The following TMEM74 variants were observed in gnomAD, a reference collection of about 807,000 sequenced individuals.
TMEM74 encodes transmembrane protein 74.
Under a neutral mutation model 18.1 loss-of-function variants are expected in TMEM74, and 13 were observed. The observed-to-expected ratio is 0.72, with a 90% CI of 0.47 to 1.14. The LOEUF (loss-of-function observed/expected upper bound fraction) is 1.14, where lower values mean the gene tolerates loss of function less well. Among genes scored for constraint, TMEM74 ranks in the 50% most tolerant of loss-of-function variants. TMEM74 has a pLI of 0.00. For synonymous variants in TMEM74, 159 were observed against 146.6 expected (o/e 1.08, Z -0.61); for missense variants, 372 against 375.9 (o/e 0.99, Z 0.09).
intron 2 of TMEM74, among the ~76,000 whole-genome samples, chr8:108,649,732 G>A (rs1002349604): frequency 2.0e-5 from 3 of 152,106 alleles, no homozygotes; most frequent in Admixed American, 6.6e-5. Context: ...AAAACCCTAA[G>A]TTTGTGGTAG....
intron 1 of TMEM74, among the ~76,000 whole-genome samples, chr8:108,684,910 C>G (rs558771897): frequency 2.0e-5 from 3 of 151,750 alleles, no homozygotes; most frequent in Non-Finnish European, 2.9e-5. Context: ...ATTGCTTTGT[C>G]TATTCAGGGT....
chr8:108,632,787 C>G (rs1477606113), intron 2 of TMEM74, among the ~76,000 whole-genome samples: 1 of 151,920 alleles, frequency 6.6e-6, no homozygotes, highest in East Asian at 1.9e-4. Context: ...AGTCAGTAAC[C>G]TAATGTGGGA....
intron 2 of TMEM74, among the ~76,000 whole-genome samples, chr8:108,620,634 G>T (rs1812430380): frequency 6.6e-6 from 1 of 152,144 alleles, no homozygotes; most frequent in Non-Finnish European, 1.5e-5. Flanking sequence ...CCAGGTTTGT[G>T]TATATTCTTT....
At chr8:108,748,195 T>C (rs1417299127) in intron 1 of TMEM74, among the ~76,000 whole-genome samples, 1 of 152,210 alleles carries the variant, frequency 6.6e-6, no homozygotes, top group Middle Eastern at 3.2e-3. Flanking sequence ...GTAAAAGTGT[T>C]GCTTTTTCTC....
At chr8:108,651,507 A>G (rs1021678020) in intron 2 of TMEM74, among the ~76,000 whole-genome samples, 3 of 152,182 alleles carry the variant, frequency 2.0e-5, no homozygotes, top group African/African-American at 4.8e-5. Context: ...CACAAGATGG[A>G]ATGAATGCCT....
intron 1 of TMEM74, among the ~76,000 whole-genome samples, chr8:108,669,090 CT>C (rs985828316): frequency 3.3e-5 from 5 of 152,178 alleles, no homozygotes; most frequent in Middle Eastern, 3.4e-3. Flanking sequence ...ACCATTCCCC[CT>C]TTGAAGTCTT....
At chr8:108,735,479 T>C (rs1346485004) in intron 1 of TMEM74, among the ~76,000 whole-genome samples, 20 of 152,222 alleles carry the variant, frequency 1.3e-4, no homozygotes. Flanking sequence ...TTTTGTGACT[T>C]GCTTCTTTCA....
intron 2 of TMEM74, among the ~76,000 whole-genome samples, chr8:108,610,083 T>A (rs1307113853): frequency 6.6e-6 from 1 of 152,302 alleles, no homozygotes; most frequent in African/African-American, 2.4e-5. Flanking sequence ...AAATGTCCCA[T>A]CCCCTACCCA....
At chr8:108,615,407 A>T (rs949615443) in intron 2 of TMEM74, among the ~76,000 whole-genome samples, 6 of 152,198 alleles carry the variant, frequency 3.9e-5, no homozygotes, top group African/African-American at 7.2e-5. Flanking sequence ...CCTTCCAACC[A>T]CATAAACCAA....
chr8:108,768,618 C>T (rs932352983), intron 1 of TMEM74, among the ~76,000 whole-genome samples: 32 of 152,302 alleles, frequency 2.1e-4, no homozygotes, highest in African/African-American at 7.7e-4. Flanking sequence ...TTTCCCTCCC[C>T]TGTCATAGCA....
chr8:108,739,189 A>G (rs183702334), intron 1 of TMEM74, among the ~76,000 whole-genome samples: 41 of 152,354 alleles, frequency 2.7e-4, no homozygotes, highest in Middle Eastern at 3.4e-3. Flanking sequence ...ACTTTTTAAG[A>G]TTCCTTTACA....
At chr8:108,682,308 C>T (rs1375719826) in intron 1 of TMEM74, among the ~76,000 whole-genome samples, 2 of 152,034 alleles carry the variant, frequency 1.3e-5, no homozygotes, top group Non-Finnish European at 2.9e-5. Context: ...TCACTTTTTA[C>T]CTACCTAACA....
intron 1 of TMEM74, among the ~76,000 whole-genome samples, chr8:108,754,606 G>A (rs1813937355): frequency 6.6e-6 from 1 of 151,844 alleles, no homozygotes; most frequent in Non-Finnish European, 1.5e-5. Flanking sequence ...GTATTACTCA[G>A]GGTTCTCCAA....
chr8:108,756,602 GGA>G (rs1210465504), intron 1 of TMEM74, among the ~76,000 whole-genome samples: 46 of 45,822 alleles, frequency 1.0e-3, no homozygotes, highest in East Asian at 7.7e-3. Context: ...GAAAGAGAAA[GGA>G]AGGAAGGAAG....
intron 1 of TMEM74, among the ~76,000 whole-genome samples, chr8:108,663,953 C>T (rs1422609975): frequency 1.3e-5 from 2 of 152,080 alleles, no homozygotes; most frequent in African/African-American, 4.8e-5. Context: ...ACACTGGGGC[C>T]TCTCAGGTTG....
intron 1 of TMEM74, among the ~76,000 whole-genome samples, chr8:108,666,224 C>A (rs773613321): frequency 1.3e-5 from 2 of 152,150 alleles, no homozygotes; most frequent in Non-Finnish European, 2.9e-5. Flanking sequence ...GAAATAGATT[C>A]TGTGTGTTAT....
intron 1 of TMEM74, among the ~76,000 whole-genome samples, chr8:108,657,778 G>C (rs550207880): frequency 9.0e-4 from 129 of 144,132 alleles, no homozygotes; most frequent in Non-Finnish European, 1.6e-3. Context: ...GGGAGGTGGA[G>C]GTTGCAGTGA....
At chr8:108,740,731 C>T (rs935916964) in intron 1 of TMEM74, among the ~76,000 whole-genome samples, 3 of 152,122 alleles carry the variant, frequency 2.0e-5, no homozygotes, top group African/African-American at 7.2e-5. Context: ...AGAAGGCTCT[C>T]GCTGCTGGGA....
intron 1 of TMEM74, among the ~76,000 whole-genome samples, chr8:108,678,567 C>T (rs1182434131): frequency 2.0e-5 from 3 of 149,528 alleles, no homozygotes; most frequent in East Asian, 2.0e-4. Context: ...GAGACAAGGT[C>T]TCGCCATGTT....
Sources: gnomAD v4.1 joint callset for allele counts (sites outside exome capture counted in the v4.1 genomes callset) on GRCh38, gnomAD v4.1.1 for gene constraint, MANE v1.5 for transcripts, NCBI Gene and HGNC (gene_info 2026-07-23, HGNC 2026-07-21) for gene names.